The following NCOA2 variants were observed in gnomAD, a reference collection of about 807,000 sequenced individuals.
NCOA2 encodes nuclear receptor coactivator 2.
A neutral mutation model predicts 145.1 loss-of-function variants in NCOA2; 21 were observed. The observed-to-expected ratio is 0.14, with a 90% confidence interval of 0.10 to 0.21. The LOEUF is 0.21. Among genes scored for constraint, NCOA2 ranks in the 10% least tolerant of loss-of-function variants. The pLI is 1.00. For synonymous variants in NCOA2, 619 were observed against 637.5 expected, an observed-to-expected ratio of 0.97 and a Z score of 0.44; for missense variants, 1,472 against 1,837.6, an observed-to-expected ratio of 0.80 and a Z score of 3.64.
At chr8:70,326,921 TCTA>T (rs2136238934) in intron 1 of NCOA2, among the ~76,000 whole-genome samples, 1 of 152,300 alleles carries the variant, frequency 6.6e-6, no homozygotes, top group South Asian at 2.1e-4. Context: ...TTACTGTGGT[TCTA>T]ATACATAACT....
the NCOA2 span, among the ~76,000 whole-genome samples, chr8:70,428,879 G>C: frequency 7.3e-6 from 1 of 137,042 alleles, no homozygotes; most frequent in Non-Finnish European, 1.6e-5. Flanking sequence ...AAAAAAAAAA[G>C]TTTAGAACAA....
intron 2 of NCOA2, among the ~76,000 whole-genome samples, chr8:70,263,891 C>T (rs776082390): frequency 3.3e-5 from 5 of 151,906 alleles, no homozygotes; most frequent in Non-Finnish European, 5.9e-5. Flanking sequence ...CATTTCATAC[C>T]CCTCATGTTA....
intron 2 of NCOA2, among the ~76,000 whole-genome samples, chr8:70,277,770 A>G (rs1825574496): frequency 6.6e-6 from 1 of 152,268 alleles, no homozygotes; most frequent in Admixed American, 6.5e-5. Flanking sequence ...TCTGTTAGAC[A>G]TTTAAATTTT....
intron 15 of NCOA2, among the ~76,000 whole-genome samples, chr8:70,136,772 T>C (rs1399429297): frequency 6.6e-6 from 1 of 152,236 alleles, no homozygotes; most frequent in Non-Finnish European, 1.5e-5. Flanking sequence ...TCTTCTTTTA[T>C]TTCAAAAGAG....
intron 4 of NCOA2, among the ~76,000 whole-genome samples, chr8:70,178,523 G>A (rs1815114145): frequency 6.6e-6 from 1 of 152,230 alleles, no homozygotes; most frequent in African/African-American, 2.4e-5. Flanking sequence ...CAGTGACACT[G>A]GGATGGGCAG....
intron 2 of NCOA2, among the ~76,000 whole-genome samples, chr8:70,261,200 C>A (rs923387474): frequency 6.6e-6 from 1 of 152,144 alleles, no homozygotes; most frequent in African/African-American, 2.4e-5. Flanking sequence ...TTGGAACCAA[C>A]CCAAATGTCC....
intron 2 of NCOA2, among the ~76,000 whole-genome samples, chr8:70,289,936 C>A (rs1389579684): frequency 1.3e-4 from 20 of 152,072 alleles, no homozygotes; most frequent in Admixed American, 1.3e-3. Context: ...TGGGCTCAAG[C>A]AATCCTCCTG....
intron 2 of NCOA2, chr8:70,273,531 T>C (rs1339831329): frequency 7.0e-6 from 5 of 710,264 alleles, no homozygotes; most frequent in East Asian, 3.0e-5. Context: ...ATCTCTGGCA[T>C]TGAAGAGGTG....
chr8:70,394,702 ATT>A (rs1380396118), intron 1 of NCOA2, among the ~76,000 whole-genome samples: 1 of 152,208 alleles, frequency 6.6e-6, no homozygotes, highest in Non-Finnish European at 1.5e-5. Context: ...AGCTAACACC[ATT>A]TTGATGGCTT....
chr8:70,342,866 C>G (rs551096402), intron 1 of NCOA2, among the ~76,000 whole-genome samples: 1 of 150,186 alleles, frequency 6.7e-6, no homozygotes, highest in Non-Finnish European at 1.5e-5. Context: ...TTTTTTTACC[C>G]AAGCTGCAAA....
At chr8:70,278,782 A>G (rs991391830) in intron 2 of NCOA2, among the ~76,000 whole-genome samples, 1 of 152,004 alleles carries the variant, frequency 6.6e-6, no homozygotes, top group Admixed American at 6.6e-5. Context: ...GGCTGGACAA[A>G]TGGCAAAACC....
At chr8:70,303,533 T>C (rs962909133) in intron 1 of NCOA2, among the ~76,000 whole-genome samples, 9 of 152,070 alleles carry the variant, frequency 5.9e-5, no homozygotes, top group Admixed American at 1.3e-4. Flanking sequence ...CTAGAGAAGG[T>C]TGAAGTGTTG....
intron 4 of NCOA2, among the ~76,000 whole-genome samples, chr8:70,183,661 C>A (rs1025971775): frequency 6.6e-6 from 1 of 152,148 alleles, no homozygotes; most frequent in African/African-American, 2.4e-5. Flanking sequence ...GCCCTTCCAC[C>A]CCTTCTCTTG....
chr8:70,147,086 T>C (rs950334050), intron 12 of NCOA2, among the ~76,000 whole-genome samples: 5 of 151,754 alleles, frequency 3.3e-5, no homozygotes, highest in African/African-American at 1.2e-4. Context: ...AAGAGTGAGG[T>C]TTGAGAGGTC....
intron 4 of NCOA2, among the ~76,000 whole-genome samples, chr8:70,182,702 G>A (rs1407575833): frequency 6.6e-6 from 1 of 152,134 alleles, no homozygotes; most frequent in Admixed American, 6.5e-5. Flanking sequence ...AAGGTAAAAT[G>A]GGCAGTGGAA....
intron 3 of NCOA2, among the ~76,000 whole-genome samples, chr8:70,215,420 A>C (rs76982817): frequency 0.015 from 2,356 of 152,328 alleles, 47 homozygotes; most frequent in Non-Finnish European, 0.022. Context: ...TGACTATTAA[A>C]GGCAGTCTGA....
At chr8:70,143,170 G>T (rs1385829792) in intron 13 of NCOA2, among the ~76,000 whole-genome samples, 2 of 151,992 alleles carry the variant, frequency 1.3e-5, no homozygotes, top group African/African-American at 4.8e-5. Context: ...GGATGGTCTC[G>T]AACTCCTGAC....
intron 14 of NCOA2, among the ~76,000 whole-genome samples, chr8:70,140,848 C>T (rs551858854): frequency 2.0e-5 from 3 of 152,074 alleles, no homozygotes; most frequent in East Asian, 3.9e-4. Flanking sequence ...CCTCCTGCCT[C>T]GGCCTCCCAA....
the NCOA2 span, among the ~76,000 whole-genome samples, chr8:70,455,518 A>G: frequency 6.6e-6 from 1 of 152,220 alleles, no homozygotes; most frequent in Non-Finnish European, 1.5e-5. Context: ...TAAACTAAAG[A>G]CAACAGTGTT....
Sources: gnomAD v4.1 joint callset for allele counts (sites outside exome capture counted in the v4.1 genomes callset) on GRCh38, gnomAD v4.1.1 for gene constraint, MANE v1.5 for transcripts, NCBI Gene and HGNC (gene_info 2026-07-23, HGNC 2026-07-21) for gene names.